The following TRAF3 variants were observed in gnomAD, a reference collection of about 807,000 sequenced individuals.
TRAF3 encodes TNF receptor associated factor 3.
TRAF3 carries 13 observed loss-of-function variants against 62.3 expected under a neutral mutation model. The observed-to-expected ratio is 0.21, with a 90% CI of 0.14 to 0.33. The LOEUF (loss-of-function observed/expected upper bound fraction) is 0.33. Ranked by LOEUF, TRAF3 falls within the 10% of genes least tolerant of loss-of-function variation. The pLI is 1.00. For missense variants in TRAF3, 440 were observed against 741.8 expected (o/e 0.59, Z 4.73); for synonymous variants, 269 against 283.4 (o/e 0.95, Z 0.51).
At chr14:102,835,004 A>G (rs1040359361) in intron 2 of TRAF3, among the ~76,000 whole-genome samples, 6 of 152,212 alleles carry the variant, frequency 3.9e-5, no homozygotes, top group Non-Finnish European at 8.8e-5. Flanking sequence ...TATGCATCTG[A>G]CAAAGGTCTA....
chr14:102,811,134 C>T (rs1038589837), intron 1 of TRAF3, among the ~76,000 whole-genome samples: 3 of 152,154 alleles, frequency 2.0e-5, no homozygotes, highest in African/African-American at 7.2e-5. Context: ...GGACGCCAGT[C>T]CCATGCATTA....
At chr14:102,796,245 G>A (rs184765276) in intron 1 of TRAF3, among the ~76,000 whole-genome samples, 4 of 152,312 alleles carry the variant, frequency 2.6e-5, no homozygotes, top group African/African-American at 9.6e-5. Context: ...CAAGGACAGC[G>A]TTCAAGAGCT....
intron 5 of TRAF3, 141 bp downstream of exon 5, chr14:102,875,869 C>A: frequency 1.4e-6 from 1 of 737,044 alleles, no homozygotes. Flanking sequence ...AATAGGAAAG[C>A]AGTCAGAACC....
At chr14:102,790,540 G>A (rs12888955) in intron 1 of TRAF3, among the ~76,000 whole-genome samples, 78,795 of 152,076 alleles carry the variant, frequency 0.52, 22,976 homozygotes, top group Middle Eastern at 0.73. Context: ...AAGGAGGAAA[G>A]GTATGTCTCA....
At chr14:102,818,815 C>G (rs961855170) in intron 1 of TRAF3, among the ~76,000 whole-genome samples, 1 of 152,142 alleles carries the variant, frequency 6.6e-6, no homozygotes, top group African/African-American at 2.4e-5. Flanking sequence ...AAGAGTAGAT[C>G]TTAAATGTTT....
At chr14:102,900,361 C>T (rs7156339) in intron 10 of TRAF3, among the ~76,000 whole-genome samples, 38,208 of 150,666 alleles carry the variant, frequency 0.25, 5,704 homozygotes, top group African/African-American at 0.4. Context: ...ATTAGCTGGG[C>T]GCAGTGGCAG....
intron 9 of TRAF3, among the ~76,000 whole-genome samples, chr14:102,892,959 G>A (rs1239069350): frequency 6.6e-6 from 1 of 152,130 alleles, no homozygotes; most frequent in African/African-American, 2.4e-5. Flanking sequence ...GGTTTACCTA[G>A]GAATCTTTTT....
At chr14:102,836,358 G>C (rs1019272537) in intron 2 of TRAF3, among the ~76,000 whole-genome samples, 2 of 152,130 alleles carry the variant, frequency 1.3e-5, no homozygotes, top group African/African-American at 4.8e-5. Flanking sequence ...CATTTTATTT[G>C]TATAATGATT....
At chr14:102,778,597 CTG>C (rs3830958) in intron 1 of TRAF3, among the ~76,000 whole-genome samples, 1 of 151,300 alleles carries the variant, frequency 6.6e-6, no homozygotes, top group African/African-American at 2.4e-5. Flanking sequence ...GTGTGTGTGC[CTG>C]TGTGTGTGTA....
chr14:102,851,216 A>G (rs533816942), intron 2 of TRAF3, among the ~76,000 whole-genome samples: 1 of 152,248 alleles, frequency 6.6e-6, no homozygotes, highest in Non-Finnish European at 1.5e-5. Context: ...GTCATATCTA[A>G]ATTTTAGGAT....
chr14:102,847,578 A>G (rs1384976155), intron 2 of TRAF3, among the ~76,000 whole-genome samples: 2 of 152,310 alleles, frequency 1.3e-5, no homozygotes, highest in South Asian at 4.1e-4. Context: ...AAAGAAGGAT[A>G]AGGTTGGCGT....
At chr14:102,881,325 A>C (rs1889045421) in intron 6 of TRAF3, among the ~76,000 whole-genome samples, 4 of 151,856 alleles carry the variant, frequency 2.6e-5, no homozygotes. Context: ...TGGAGGTTGC[A>C]GTGAGCCAAG....
intron 2 of TRAF3, among the ~76,000 whole-genome samples, chr14:102,834,363 G>C (rs560885752): frequency 6.6e-6 from 1 of 152,092 alleles, no homozygotes; most frequent in Admixed American, 6.6e-5. Context: ...TTCAATCAGC[G>C]GTGCTGGGAC....
In TRAF3 at chr14:102,833,547, G is replaced by T. The variant is rs575807354; in HGVS notation, c.-18+3075G>T. 2.0e-5 allele frequency among the ~76,000 whole-genome samples: 3 copies of T among 152,310 alleles called. No homozygotes were observed. In the East Asian group the frequency reaches 5.8e-4, roughly 29 times the overall value. On this transcript the variant is annotated intron_variant, in intron 2 of 11. Transcript: ENST00000392745. Reference sequence around the variant, plus strand: ...ATTTAAATGAGTCCTTTGCATTCGAGTATAGAGATGACTGAGGAGAATGAG... The same window carrying T: ...ATTTAAATGAGTCCTTTGCATTCGATTATAGAGATGACTGAGGAGAATGAG...
chr14:102,784,659 C>T (rs1485157364), intron 1 of TRAF3, among the ~76,000 whole-genome samples: 1 of 152,178 alleles, frequency 6.6e-6, no homozygotes, highest in East Asian at 1.9e-4. Flanking sequence ...CGTCTGATCT[C>T]TGTTTTCAAG....
intron 1 of TRAF3, among the ~76,000 whole-genome samples, chr14:102,790,130 T>C (rs2139406920): frequency 6.6e-6 from 1 of 152,286 alleles, no homozygotes; most frequent in African/African-American, 2.4e-5. Context: ...ACTCAGCCTC[T>C]TCTGAGTTTT....
intron 2 of TRAF3, among the ~76,000 whole-genome samples, chr14:102,838,961 C>A (rs1483690568): frequency 2.0e-5 from 3 of 151,934 alleles, no homozygotes; most frequent in Non-Finnish European, 4.4e-5. Context: ...CCTTTTTTGT[C>A]GGTACTTTTG....
rs531622261 is a variant in TRAF3, at chr14:102,899,185, A to G, written c.960+1784A>G. ...ACCGTGTGGTTTTTTGAAAGGGGAA[A>G]TTCAGTGTTACCTTTGGGACCACTG... On this transcript the variant is annotated intron_variant, in intron 10 of 11. Coordinates refer to ENST00000392745, the MANE Select transcript of TRAF3 (RefSeq NM_145725.3). 2.6e-5 allele frequency among the ~76,000 whole-genome samples: 4 copies of G among 152,300 alleles called. No individual in the cohort carries two copies. In the East Asian group the frequency reaches 7.7e-4, roughly 29 times the overall value.
chr14:102,781,269 G>A lies in TRAF3; in HGVS notation c.-157+3594G>A, dbSNP rs150752863. 2.0e-5 allele frequency among the ~76,000 whole-genome samples: 3 copies of A among 152,294 alleles called. No individual in the cohort carries two copies. In the East Asian group the frequency reaches 5.8e-4, roughly 29 times the overall value. ...TAGATGCAGTGCTGGCCATGCTGCT[G>A]GTCATTGGGTTTCCAGTTGGGAAGT... On this transcript the variant is annotated intron_variant, in intron 1 of 11. Coordinates refer to ENST00000392745, the MANE Select transcript of TRAF3 (RefSeq NM_145725.3).
Sources: gnomAD v4.1 joint callset for allele counts (sites outside exome capture counted in the v4.1 genomes callset) on GRCh38, gnomAD v4.1.1 for gene constraint, MANE v1.5 for transcripts, NCBI Gene and HGNC (gene_info 2026-07-23, HGNC 2026-07-21) for gene names.